CDH4: variants seen among roughly 807,000 people sequenced by gnomAD.
The protein encoded by CDH4 is cadherin-4.
In CDH4, 33 loss-of-function variants were observed where a neutral mutation model predicts 86.0. The ratio of observed to expected loss-of-function variants is 0.38; its 90% CI spans 0.29 to 0.51. The LOEUF is 0.51. Ranked by LOEUF, CDH4 falls within the 20% of genes least tolerant of loss-of-function variation. CDH4 has a pLI of 0.86. For synonymous variants in CDH4, 555 were observed against 549.4 expected (o/e 1.01, Z -0.14); for missense variants, 1,114 against 1,307.4 (o/e 0.85, Z 2.28).
intron 2 of CDH4, among the ~76,000 whole-genome samples, chr20:61,669,398 A>G (rs893875572): frequency 1.3e-5 from 2 of 152,230 alleles, no homozygotes; most frequent in African/African-American, 4.8e-5. Context: ...CCCAGGCCAC[A>G]GAGGGCCTTG....
chr20:61,565,092 T>TGG lies in CDH4; in HGVS notation c.170-178471_170-178470insGG, dbSNP rs747308048. 4.2e-3 allele frequency among the ~76,000 whole-genome samples: 269 copies of TGG among 63,730 alleles called. 1 individual carries two copies. The highest frequency in any genetic ancestry group is 7.5e-3 in the Admixed American group (49 of 6,516). 41.8% of individuals were successfully genotyped at this position (63,730 alleles called of 152,430 possible). ...GGTGGTGGTGGTGGTGGTGGTGCTC[T>TGG]TGGTGGTGCTCTTGGTGGTGCTGGT... On this transcript the variant is annotated intron_variant, in intron 2 of 15. Transcript: ENST00000614565.
intron 2 of CDH4, among the ~76,000 whole-genome samples, chr20:61,667,266 G>A (rs1312622574): frequency 1.3e-5 from 2 of 152,220 alleles, no homozygotes; most frequent in African/African-American, 2.4e-5. Flanking sequence ...CAGTCGGCCG[G>A]GATGGCCCTG....
In CDH4 at chr20:61,793,656, A is replaced by T. The variant is rs1035853679; in HGVS notation, c.576+20474A>T. Among the ~76,000 whole-genome samples the T allele has an allele frequency of 2.0e-5, 3 of 151,852 alleles. No individual in the cohort carries two copies. The East Asian group carries it at 5.9e-4, about 30-fold the overall frequency. On this transcript the variant is annotated intron_variant, in intron 4 of 15. Transcript: ENST00000614565. ...GGAGTTCAAGACCAGCCTGGCCAAG[A>T]TGGTGAAACCCCATCTCTACTAAAA...
intron 2 of CDH4, among the ~76,000 whole-genome samples, chr20:61,497,012 GTC>G (rs1283311065): frequency 7.0e-6 from 1 of 142,018 alleles, no homozygotes; most frequent in Non-Finnish European, 1.5e-5. Flanking sequence ...CTTGCCTTAA[GTC>G]TCTCTTATCC....
At chr20:61,883,909 G>A (rs1984412812) in intron 7 of CDH4, among the ~76,000 whole-genome samples, 1 of 152,314 alleles carries the variant, frequency 6.6e-6, no homozygotes, top group Non-Finnish European at 1.5e-5. Flanking sequence ...CAGAGAGAGG[G>A]GGAAGCAAGA....
chr20:61,910,748 T>G, intron 9 of CDH4, 141 bp downstream of exon 9: 1 of 752,834 alleles, frequency 1.3e-6, no homozygotes, highest in South Asian at 1.8e-5. Flanking sequence ...TAACCCAACC[T>G]GCTGGAGGCA....
chr20:61,312,793 C>T (rs2084454431), intron 2 of CDH4, among the ~76,000 whole-genome samples: 2 of 152,248 alleles, frequency 1.3e-5, no homozygotes, highest in Admixed American at 6.5e-5. Context: ...GAGCTCTGCC[C>T]CCTAGAGCTT....
At chr20:61,698,134 C>T (rs1041683684) in intron 2 of CDH4, among the ~76,000 whole-genome samples, 13 of 152,218 alleles carry the variant, frequency 8.5e-5, no homozygotes, top group Non-Finnish European at 1.2e-4. Flanking sequence ...TGGCACGTGT[C>T]GTCCACCCTC....
At chr20:61,814,663 T>C (rs1980622853) in intron 4 of CDH4, among the ~76,000 whole-genome samples, 1 of 152,258 alleles carries the variant, frequency 6.6e-6, no homozygotes, top group Non-Finnish European at 1.5e-5. Context: ...CTGGAGTGTT[T>C]GTAATTGCTA....
intron 4 of CDH4, among the ~76,000 whole-genome samples, chr20:61,806,537 A>G (rs562330227): frequency 6.6e-6 from 1 of 151,106 alleles, no homozygotes; most frequent in East Asian, 2.0e-4. Context: ...GTGTGCACAC[A>G]CATGTCCACG....
intron 3 of CDH4, among the ~76,000 whole-genome samples, chr20:61,763,675 G>A (rs1165429425): frequency 6.6e-6 from 1 of 152,112 alleles, no homozygotes; most frequent in Non-Finnish European, 1.5e-5. Flanking sequence ...CGTCTTCCAT[G>A]GAAGGCACTC....
intron 4 of CDH4, among the ~76,000 whole-genome samples, chr20:61,797,226 A>C (rs944706645): frequency 6.6e-6 from 1 of 152,026 alleles, no homozygotes; most frequent in Non-Finnish European, 1.5e-5. Context: ...CACACCATCC[A>C]TTCCGCAGGG....
rs77118618 is a variant in CDH4 at position 61,721,691 on chromosome 20, G to A, written c.170-21872G>A. ...TGGGGCAGTGTTGTTGAGGGCTGGT[G>A]ATATGCTTCTCTGGAAGGGGGCATT... On this transcript the variant is annotated intron_variant, in intron 2 of 15. Transcript: ENST00000614565. Among the ~76,000 whole-genome samples the A allele has an allele frequency of 5.2e-3, 797 of 152,326 alleles. 21 individuals are homozygous for A. The highest frequency in any genetic ancestry group is 0.038 in the Admixed American group (577 of 15,310).
intron 2 of CDH4, among the ~76,000 whole-genome samples, chr20:61,598,538 G>A (rs2086573953): frequency 6.6e-6 from 1 of 152,182 alleles, no homozygotes; most frequent in Non-Finnish European, 1.5e-5. Flanking sequence ...GGCCGAAACA[G>A]GGAGTGACGA....
chr20:61,487,137 G>A (rs1568862039), intron 2 of CDH4, among the ~76,000 whole-genome samples: 1 of 152,164 alleles, frequency 6.6e-6, no homozygotes, highest in Non-Finnish European at 1.5e-5. Flanking sequence ...TAAGGTCTAG[G>A]TCCAGTTTTA....
intron 4 of CDH4, among the ~76,000 whole-genome samples, chr20:61,825,577 G>A (rs983717669): frequency 2.6e-5 from 4 of 152,120 alleles, no homozygotes; most frequent in Non-Finnish European, 4.4e-5. Context: ...ACTTTGGAAG[G>A]CGAGACTGTA....
At chr20:61,645,764 C>A (rs552695434) in intron 2 of CDH4, among the ~76,000 whole-genome samples, 1 of 152,144 alleles carries the variant, frequency 6.6e-6, no homozygotes, top group Non-Finnish European at 1.5e-5. Flanking sequence ...TGGTTATCAC[C>A]TGCACACACT....
At chr20:61,774,554 A>G (rs572103599) in intron 4 of CDH4, among the ~76,000 whole-genome samples, 1 of 152,338 alleles carries the variant, frequency 6.6e-6, no homozygotes, top group Non-Finnish European at 1.5e-5. Context: ...GGGTACATGT[A>G]TAGGATGTGC....
chr20:61,291,898 A>C (rs1600839668), intron 2 of CDH4, among the ~76,000 whole-genome samples: 1 of 148,484 alleles, frequency 6.7e-6, no homozygotes. Context: ...CCCTCCTCCC[A>C]CCCTCCCTGC....
Sources: allele counts gnomAD v4.1 joint callset (sites outside exome capture counted in the v4.1 genomes callset), GRCh38; gene constraint gnomAD v4.1.1; transcripts MANE v1.5; gene names NCBI Gene and HGNC (gene_info 2026-07-23, HGNC 2026-07-21).